YIPF3: variants seen among roughly 807,000 people sequenced by gnomAD.
YIPF3 encodes the protein Yip1 domain family member 3, also known as protein YIPF3.
YIPF3 carries 18 observed loss-of-function variants against 40.3 expected under a neutral mutation model. That is an observed-to-expected ratio of 0.45 (90% CI 0.31 to 0.66). YIPF3 has a LOEUF of 0.66. YIPF3 is among the 30% of genes least tolerant of loss of function. YIPF3 has a pLI of 0.07. For missense variants in YIPF3, 406 were observed against 452.2 expected (o/e 0.90, Z 0.93); for synonymous variants, 190 against 179.6 (o/e 1.06, Z -0.46).
chr6:43,512,729 G>C, intron 7 of YIPF3, 32 bp downstream of exon 7: 1 of 1,601,630 alleles, frequency 6.2e-7, no homozygotes, highest in Non-Finnish European at 8.5e-7. Flanking sequence ...TGGGAGGACA[G>C]CCCACCCCTG....
intron 3 of YIPF3, among the ~76,000 whole-genome samples, chr6:43,514,491 T>C (rs1792734902): frequency 6.6e-6 from 1 of 152,228 alleles, no homozygotes; most frequent in Non-Finnish European, 1.5e-5. Flanking sequence ...TTCCCTCTTC[T>C]CTCAAGTGGC....
intron 3 of YIPF3, among the ~76,000 whole-genome samples, chr6:43,514,222 C>CA (rs2127683661): frequency 6.6e-6 from 1 of 152,268 alleles, no homozygotes. Context: ...GCCTGGGTGA[C>CA]AGAGTGCGAC....
chr6:43,513,107 T>C lies in YIPF3; in HGVS notation c.628A>G (p.Asn210Asp). ...ATCTGCAGCATGGTGATCTGGGCGT[T>C]GCACAGGTAGGCAAGGAAGTAAATG... ...SFIYFLAYLCNAQITMLQMLA... is the reference protein window; with the variant it reads ...SFIYFLAYLCDAQITMLQMLA... Residue 210 changes from asparagine to aspartate, a missense_variant, in exon 6 of 9, where the codon AAC (asparagine) becomes GAC (aspartate). Physicochemically the swap from Asn to Asp is conservative, Grantham distance 23. Coordinates refer to ENST00000372422, the MANE Select transcript of YIPF3 (RefSeq NM_015388.4). 2 of 1,614,162 alleles carry C rather than the reference T, an allele frequency of 1.2e-6. No homozygotes were observed. Among genetic ancestry groups the C allele is most frequent in the Non-Finnish European group, 1.7e-6 (2 of 1,180,028 alleles).
At chr6:43,516,523 T>C in intron 1 of YIPF3, 1 of 653,028 alleles carries the variant, frequency 1.5e-6, no homozygotes. Context: ...GGGCGGGCCC[T>C]GAAACCCGAG....
rs1004994320 is a variant in YIPF3 at position 43,512,065 on chromosome 6, G to A, written c.*102C>T. ...ACGCAGCTACAGCTCAGTGGCAGCT[G>A]CAAACCCCATCTACGAAACATGTCA... On this transcript the variant is annotated 3_prime_UTR_variant, in exon 9 of 9. Coordinates refer to ENST00000372422, the MANE Select transcript of YIPF3 (RefSeq NM_015388.4). 12 of 1,544,592 alleles carry A rather than the reference G, an allele frequency of 7.8e-6. No homozygotes were observed. In the Admixed American group the frequency reaches 1.7e-4, roughly 21 times the overall value.
Position 43,516,827 on chromosome 6 carries a change from C to A in YIPF3, c.-20G>T. 1 of 1,559,240 alleles carries A rather than the reference C, an allele frequency of 6.4e-7. No individual in the cohort carries two copies. Among genetic ancestry groups the A allele is most frequent in the African/African-American group, 1.4e-5 (1 of 73,342 alleles). ...TGCCATGTCCCTTGAGGGCTCCCGT[C>A]GCTGAAACCCGCGCTAGCCCCGCGC... On this transcript the variant is annotated 5_prime_UTR_variant, in exon 1 of 9. Transcript: ENST00000372422.
At chr6:43,514,676 G>A (rs1792738461) in intron 3 of YIPF3, among the ~76,000 whole-genome samples, 1 of 152,162 alleles carries the variant, frequency 6.6e-6, no homozygotes, top group African/African-American at 2.4e-5. Flanking sequence ...CTTCACCACT[G>A]AACCAGATAC....
chr6:43,516,175 C>A lies in YIPF3; in HGVS notation c.82-80G>T, dbSNP rs1008250221. On this transcript the variant is annotated intron_variant, in intron 1 of 8. Coordinates refer to ENST00000372422, the MANE Select transcript of YIPF3 (RefSeq NM_015388.4). ...CCTCTGCTCATCCCAGGGTTTAGGG[C>A]TTTGTTCTTCCACTGCTGAGGATAC... The A allele has an allele frequency of 1.3e-4, 208 of 1,576,100 alleles. No individual in the cohort carries two copies. In the African/African-American group the frequency reaches 2.3e-3, roughly 17 times the overall value.
Position 43,515,585 on chromosome 6 carries a change from G to C in YIPF3, c.395+10C>G, listed in dbSNP as rs777143171. 6.2e-7 allele frequency: 1 copy of C among 1,613,070 alleles called. No individual in the cohort carries two copies. The highest frequency in any genetic ancestry group is 8.5e-7 in the Non-Finnish European group (1 of 1,179,928). Reference sequence around the variant, plus strand: ...TAGGAGGGAAGCTTCTTCAAGAGAAGGCTCCTCACCTGCTTCGCACCTGAG... The same window carrying C: ...TAGGAGGGAAGCTTCTTCAAGAGAACGCTCCTCACCTGCTTCGCACCTGAG... On this transcript the variant is annotated intron_variant, in intron 3 of 8. Transcript: ENST00000372422.
chr6:43,512,705 C>A, intron 7 of YIPF3, 56 bp downstream of exon 7: 1 of 1,583,702 alleles, frequency 6.3e-7, no homozygotes, highest in Non-Finnish European at 8.6e-7. Flanking sequence ...TCCAGGCTGT[C>A]TTCCCCAACT....
intron 3 of YIPF3, chr6:43,515,206 A>G (rs1160024138): frequency 8.8e-6 from 4 of 452,382 alleles, no homozygotes; most frequent in Admixed American, 7.2e-5. Flanking sequence ...GTTAGCCAGG[A>G]TGGTCTCGAT....
Position 43,513,092 on chromosome 6 carries a change from T to C in YIPF3, c.643A>G (p.Met215Val), listed in dbSNP as rs1301167794. ...LAYLCNAQIT[M>V]LQMLALLGYG... is the part of the protein sequence containing the mutation. ...ACCAGCAGTGCCAACATCTGCAGCA[T>C]GGTGATCTGGGCGTTGCACAGGTAG... Residue 215 changes from methionine to valine, a missense_variant, in exon 6 of 9, where the codon ATG (methionine) becomes GTG (valine). Transcript: ENST00000372422. 24 of 1,613,990 alleles carry C rather than the reference T, an allele frequency of 1.5e-5. No individual in the cohort carries two copies. The highest frequency in any genetic ancestry group is 2.0e-5 in the Non-Finnish European group (24 of 1,180,030).
At chr6:43,512,674 G>A (rs1305638459) in intron 7 of YIPF3, 87 bp downstream of exon 7, 11 of 1,549,958 alleles carry the variant, frequency 7.1e-6, no homozygotes, top group Admixed American at 1.9e-5. Context: ...CCCATTTAGG[G>A]CTCTTTGTGA....
At chr6:43,515,044 G>C in intron 3 of YIPF3, 1 of 284,214 alleles carries the variant, frequency 3.5e-6, no homozygotes, top group South Asian at 2.9e-5. Context: ...TCAGGCTGAA[G>C]TGCAGTGGCA....
intron 5 of YIPF3, 40 bp downstream of exon 5, chr6:43,513,319 C>T: frequency 6.2e-7 from 1 of 1,613,754 alleles, no homozygotes; most frequent in Non-Finnish European, 8.5e-7. Flanking sequence ...AGCTTTCAAC[C>T]TAGTGCAGCC....
chr6:43,513,578 C>T lies in YIPF3; in HGVS notation c.441+10G>A, dbSNP rs1184422470. The T allele has an allele frequency of 1.3e-6, 2 of 1,586,810 alleles. No homozygotes were observed. Among genetic ancestry groups the T allele is most frequent in the Admixed American group, 1.7e-5 (1 of 57,384 alleles). ...CCCCCGGCTCTCCAGACATGCCACC[C>T]TCTATTCACCTGGGGGAAGTTGACC... is the stretch of plus-strand genomic sequence containing the variant. On this transcript the variant is annotated intron_variant, in intron 4 of 8. Transcript: ENST00000372422.
Position 43,512,657 on chromosome 6 carries a change from C to T in YIPF3, c.781-94G>A, listed in dbSNP as rs2231768. On this transcript the variant is annotated intron_variant, in intron 7 of 8. Coordinates refer to ENST00000372422, the MANE Select transcript of YIPF3 (RefSeq NM_015388.4). Reference sequence around the variant, plus strand: ...CCCAGGGCAGAACCATCTTTGGGCTCTTCCCTCCCATTTAGGGCTCTTTGT... The same window carrying T: ...CCCAGGGCAGAACCATCTTTGGGCTTTTCCCTCCCATTTAGGGCTCTTTGT... 6.3e-3 allele frequency: 9,700 copies of T among 1,541,638 alleles called. 45 individuals carry two copies. Among genetic ancestry groups the T allele is most frequent in the Middle Eastern group, 0.014 (60 of 4,180 alleles).
chr6:43,515,054 A>C, intron 3 of YIPF3: 1 of 294,660 alleles, frequency 3.4e-6, no homozygotes, highest in Non-Finnish European at 6.7e-6. Flanking sequence ...GTGCAGTGGC[A>C]CGATCTCGGC....
intron 1 of YIPF3, 93 bp from the exon 2 acceptor site, chr6:43,516,188 C>T: frequency 1.3e-6 from 2 of 1,561,738 alleles, no homozygotes; most frequent in Non-Finnish European, 1.7e-6. Context: ...TGTTCTTCCA[C>T]TGCTGAGGAT....
Sources: allele counts gnomAD v4.1 joint callset (sites outside exome capture counted in the v4.1 genomes callset), GRCh38; gene constraint gnomAD v4.1.1; transcripts MANE v1.5; gene names NCBI Gene and HGNC (gene_info 2026-07-23, HGNC 2026-07-21).